Variants in FAAH2 observed in about 807,000 individuals in gnomAD.
The protein encoded by FAAH2 is fatty acid amide hydrolase 2.
Under a neutral mutation model 36.9 loss-of-function variants are expected in FAAH2, and 60 were observed. That is an observed-to-expected ratio of 1.63 (90% confidence interval 1.32 to 2.02). FAAH2 has a LOEUF of 2.02. Ranked by LOEUF, FAAH2 falls within the 30% of genes most tolerant of loss-of-function variation. The probability of loss-of-function intolerance (pLI) is 0.00; values close to 1 mark genes in which losing one functional copy is unlikely to be tolerated. For missense variants in FAAH2, 689 were observed against 397.5 expected (o/e 1.73, Z -6.23); for synonymous variants, 214 against 143.8 (o/e 1.49, Z -3.49).
the FAAH2 span, among the ~76,000 whole-genome samples, chrX:57,161,356 T>C: frequency 9.0e-6 from 1 of 111,497 alleles, no homozygotes; most frequent in African/African-American, 3.3e-5. Flanking sequence ...GGTGGAGAGT[T>C]CTGTAGATGT....
At chrX:57,307,942 G>C (rs936473300) in intron 2 of FAAH2, among the ~76,000 whole-genome samples, 2 of 108,071 alleles carry the variant, frequency 1.9e-5, no homozygotes, top group Admixed American at 2.0e-4. Flanking sequence ...AATGACCTCT[G>C]GGTGCATCCA....
intron 10 of FAAH2, among the ~76,000 whole-genome samples, chrX:57,469,017 G>A (rs2057105933): frequency 9.0e-6 from 1 of 111,227 alleles, no homozygotes; most frequent in Non-Finnish European, 1.9e-5. Flanking sequence ...AAGTGAAGGA[G>A]AAATTAAATC....
chrX:57,309,821 G>A (rs969525584), intron 2 of FAAH2, among the ~76,000 whole-genome samples: 3 of 111,848 alleles, frequency 2.7e-5, no homozygotes, highest in Admixed American at 1.9e-4. Flanking sequence ...TCTTTATCCA[G>A]TCTACCATTG....
chrX:57,292,644 G>A (rs2052020174), intron 2 of FAAH2, 64 bp downstream of exon 2: 3 of 909,520 alleles, frequency 3.3e-6, no homozygotes, highest in Non-Finnish European at 3.1e-6. Context: ...CTGTGGTCAT[G>A]CCACCTTAGC....
At chrX:57,240,884 G>GGCT in the FAAH2 span, among the ~76,000 whole-genome samples, 1 of 112,270 alleles carries the variant, frequency 8.9e-6, no homozygotes, top group Non-Finnish European at 1.9e-5. Flanking sequence ...GGTAGATAGG[G>GGCT]GGATGCTCAG....
chrX:57,364,491 G>A lies in FAAH2; in HGVS notation c.743-14160G>A, dbSNP rs766282962. ...ATAGATCCCCTAGTGTTTTGGTCTT[G>A]TCAATTCTTCCAATGATTCAACTTT... On this transcript the variant is annotated intron_variant, in intron 5 of 10. Coordinates refer to ENST00000374900, the MANE Select transcript of FAAH2 (RefSeq NM_174912.4). Among the ~76,000 whole-genome samples, 3 of 73,102 alleles carry A rather than the reference G, an allele frequency of 4.1e-5. No homozygotes were observed. In the East Asian group the frequency reaches 1.3e-3, roughly 32 times the overall value. The allele number at this position is 73,102 out of a possible 115,157, so 63.5% of individuals were successfully genotyped here.
At chrX:57,343,969 A>G (rs2053755630) in intron 5 of FAAH2, among the ~76,000 whole-genome samples, 2 of 110,937 alleles carry the variant, frequency 1.8e-5, no homozygotes, top group Non-Finnish European at 3.8e-5. Flanking sequence ...ATTGGTCTAT[A>G]TATCTGTTTT....
At chrX:57,436,235 A>G (rs1296085772) in intron 8 of FAAH2, among the ~76,000 whole-genome samples, 1 of 111,154 alleles carries the variant, frequency 9.0e-6, no homozygotes, top group East Asian at 2.8e-4. Context: ...AGGGATGTTC[A>G]TAGTATTAAA....
At chrX:57,266,341 T>C in the FAAH2 span, among the ~76,000 whole-genome samples, 1 of 111,301 alleles carries the variant, frequency 9.0e-6, no homozygotes, top group East Asian at 2.9e-4. Flanking sequence ...GGGACTGGAG[T>C]GGATGCTCAG....
chrX:57,194,808 TC>T, the FAAH2 span, among the ~76,000 whole-genome samples: 2 of 111,375 alleles, frequency 1.8e-5, no homozygotes, highest in African/African-American at 6.5e-5. Context: ...ATAGCATATC[TC>T]CTACTTATAA....
chrX:57,450,441 C>A (rs995223647), intron 10 of FAAH2, among the ~76,000 whole-genome samples: 1 of 111,353 alleles, frequency 9.0e-6, no homozygotes, highest in African/African-American at 3.3e-5. Flanking sequence ...CAGTTGTATT[C>A]TATCTGACTT....
At chrX:57,240,967 C>T in the FAAH2 span, among the ~76,000 whole-genome samples, 29 of 111,996 alleles carry the variant, frequency 2.6e-4, no homozygotes, top group Non-Finnish European at 4.7e-4. Context: ...AAATCCAAAT[C>T]CACCTACATG....
chrX:57,323,241 C>T (rs371562030), intron 3 of FAAH2, among the ~76,000 whole-genome samples: 2 of 111,711 alleles, frequency 1.8e-5, no homozygotes, highest in East Asian at 5.6e-4. Flanking sequence ...CATTGTTGGA[C>T]ATTTGGGTTG....
chrX:57,392,499 T>C, intron 7 of FAAH2: 1 of 701,645 alleles, frequency 1.4e-6, no homozygotes, highest in Non-Finnish European at 2.1e-6. Flanking sequence ...GAAAATGACA[T>C]CCGGGAAAAC....
chrX:57,467,477 C>T (rs913456201), intron 10 of FAAH2, among the ~76,000 whole-genome samples: 7 of 111,782 alleles, frequency 6.3e-5, no homozygotes, highest in Non-Finnish European at 1.1e-4. Flanking sequence ...TCAGAGGGTC[C>T]TACACCCATG....
At chrX:57,184,348 A>C in the FAAH2 span, among the ~76,000 whole-genome samples, 1 of 111,693 alleles carries the variant, frequency 9.0e-6, no homozygotes, top group Non-Finnish European at 1.9e-5. Flanking sequence ...TAAAACCCTT[A>C]ATAAAAACTT....
intron 7 of FAAH2, among the ~76,000 whole-genome samples, chrX:57,389,312 A>G (rs979182030): frequency 6.8e-5 from 7 of 103,443 alleles, no homozygotes; most frequent in Admixed American, 5.4e-4. Flanking sequence ...ATATACATAT[A>G]TAATATATAA....
At chrX:57,443,120 C>A (rs1417418468) in intron 8 of FAAH2, among the ~76,000 whole-genome samples, 1 of 111,541 alleles carries the variant, frequency 9.0e-6, no homozygotes, top group Non-Finnish European at 1.9e-5. Flanking sequence ...AATATCTTTG[C>A]AGCATTCTCT....
At chrX:57,366,422 G>A (rs2054416500) in intron 5 of FAAH2, among the ~76,000 whole-genome samples, 2 of 112,008 alleles carry the variant, frequency 1.8e-5, no homozygotes, top group Non-Finnish European at 3.8e-5. Flanking sequence ...TGCCCTGGAG[G>A]GGCCAATGTG....
Sources: gnomAD v4.1 joint callset for allele counts (sites outside exome capture counted in the v4.1 genomes callset) on GRCh38, gnomAD v4.1.1 for gene constraint, MANE v1.5 for transcripts, NCBI Gene and HGNC (gene_info 2026-07-23, HGNC 2026-07-21) for gene names.